RBFOX3: variants seen among roughly 807,000 people sequenced by gnomAD.
RBFOX3 encodes RNA binding protein fox-1 homolog 3.
RBFOX3 carries 17 observed loss-of-function variants against 48.7 expected under a neutral mutation model. The observed-to-expected ratio is 0.35, with a 90% CI of 0.24 to 0.52. RBFOX3 has a LOEUF of 0.52. Ranked by LOEUF, RBFOX3 falls within the 20% of genes least tolerant of loss-of-function variation. RBFOX3 has a pLI of 0.94. For missense variants in RBFOX3, 382 were observed against 497.5 expected (o/e 0.77, Z 2.21); for synonymous variants, 212 against 209.5 (o/e 1.01, Z -0.10).
intron 1 of RBFOX3, among the ~76,000 whole-genome samples, chr17:79,553,714 T>G (rs927665624): frequency 3.3e-5 from 5 of 152,032 alleles, no homozygotes; most frequent in Admixed American, 1.3e-4. Context: ...TTTCTTGGGG[T>G]TTTTTTGTTT....
intron 2 of RBFOX3, among the ~76,000 whole-genome samples, chr17:79,458,087 C>G (rs2074821417): frequency 6.6e-6 from 1 of 152,214 alleles, no homozygotes. Context: ...TGTGCCTCCC[C>G]AGGTGGGTAA....
chr17:79,297,349 G>A (rs969446007), intron 3 of RBFOX3, among the ~76,000 whole-genome samples: 25 of 152,160 alleles, frequency 1.6e-4, no homozygotes, highest in African/African-American at 2.9e-4. Flanking sequence ...GTGGAGAGCC[G>A]TGTGCCTTTG....
At chr17:79,135,726 T>G (rs1446188721) in intron 4 of RBFOX3, among the ~76,000 whole-genome samples, 3 of 152,132 alleles carry the variant, frequency 2.0e-5, no homozygotes, top group Non-Finnish European at 4.4e-5. Context: ...CCCACGTCCC[T>G]AAAATCCACA....
At chr17:79,570,258 C>T (rs895204797) in intron 1 of RBFOX3, among the ~76,000 whole-genome samples, 26 of 127,288 alleles carry the variant, frequency 2.0e-4, no homozygotes, top group South Asian at 5.2e-4. Flanking sequence ...AGATGAATTA[C>T]GGACAGATGG....
At chr17:79,498,255 G>A (rs2149694816) in intron 1 of RBFOX3, among the ~76,000 whole-genome samples, 2 of 152,256 alleles carry the variant, frequency 1.3e-5, no homozygotes, top group South Asian at 4.1e-4. Context: ...TTTTCCTTTT[G>A]CGCTCCTTTG....
intron 4 of RBFOX3, among the ~76,000 whole-genome samples, chr17:79,165,838 G>A (rs1433407557): frequency 6.6e-6 from 1 of 152,240 alleles, no homozygotes; most frequent in Non-Finnish European, 1.5e-5. Flanking sequence ...CCCCAAAGGA[G>A]GGCAGGGCAG....
rs2076879615 is a variant in RBFOX3, at chr17:79,103,787, G to GT, written c.414+285dup. Among the ~76,000 whole-genome samples, 1 of 152,066 alleles carries GT rather than the reference G, an allele frequency of 6.6e-6. No homozygotes were observed. The highest frequency in any genetic ancestry group is 2.4e-5 in the African/African-American group (1 of 41,400). On this transcript the variant is annotated intron_variant, in intron 7 of 14. Coordinates refer to ENST00000693108, the MANE Select transcript of RBFOX3 (RefSeq NM_001350451.2). This position sits in a 1 kb window ranked among gnomAD's most constrained non-coding sequence, Gnocchi z 6.1. ...GCTTCAAGGCCAGTGGTCCCCTGGG[G>GT]TAAGTGTTCAGTGGGGGTGGGGCCC... is the stretch of plus-strand genomic sequence containing the variant.
chr17:79,154,664 C>T (rs963635860), intron 4 of RBFOX3, among the ~76,000 whole-genome samples: 1 of 152,218 alleles, frequency 6.6e-6, no homozygotes, highest in Non-Finnish European at 1.5e-5. Context: ...CCGGTCCCCA[C>T]GTGGCCGGGA....
intron 3 of RBFOX3, among the ~76,000 whole-genome samples, chr17:79,239,615 G>A (rs940284161): frequency 6.6e-6 from 1 of 152,354 alleles, no homozygotes; most frequent in South Asian, 2.1e-4. Flanking sequence ...CTCTTCCTGG[G>A]GGAGCAGGGA....
chr17:79,536,352 G>T (rs2088747781), intron 1 of RBFOX3, among the ~76,000 whole-genome samples: 1 of 152,216 alleles, frequency 6.6e-6, no homozygotes, highest in Non-Finnish European at 1.5e-5. Context: ...GAATACAGAT[G>T]TGAGACGTGG....
intron 4 of RBFOX3, among the ~76,000 whole-genome samples, chr17:79,151,890 G>A (rs2044569534): frequency 1.0e-5 from 1 of 98,268 alleles, no homozygotes; most frequent in African/African-American, 3.8e-5. Context: ...CGATGGGAGG[G>A]GACCTGCAGG....
intron 1 of RBFOX3, among the ~76,000 whole-genome samples, chr17:79,512,691 G>A (rs576917830): frequency 8.0e-6 from 1 of 124,852 alleles, no homozygotes; most frequent in Non-Finnish European, 1.7e-5. Context: ...GTTACCATCG[G>A]GTACAGCCCC....
At chr17:79,546,421 C>A (rs1339335547) in intron 1 of RBFOX3, among the ~76,000 whole-genome samples, 3 of 152,194 alleles carry the variant, frequency 2.0e-5, no homozygotes, top group East Asian at 3.9e-4. Flanking sequence ...AAGCACAGAG[C>A]CCTATCTGCT....
At chr17:79,215,834 G>A (rs1001455383) in intron 4 of RBFOX3, among the ~76,000 whole-genome samples, 1 of 152,372 alleles carries the variant, frequency 6.6e-6, no homozygotes, top group African/African-American at 2.4e-5. Flanking sequence ...GCACACTGCC[G>A]GGCTCAATGT....
intron 2 of RBFOX3, among the ~76,000 whole-genome samples, chr17:79,373,420 C>T (rs2058816184): frequency 6.6e-6 from 1 of 152,222 alleles, no homozygotes; most frequent in Non-Finnish European, 1.5e-5. Flanking sequence ...TGCTCAGAGC[C>T]TCTGATCATG....
chr17:79,660,785 A>G, the RBFOX3 span, among the ~76,000 whole-genome samples: 1 of 152,356 alleles, frequency 6.6e-6, no homozygotes, highest in Non-Finnish European at 1.5e-5. Context: ...CTGAGTATAT[A>G]CCCAAAGGAA....
intron 2 of RBFOX3, among the ~76,000 whole-genome samples, chr17:79,370,266 G>A (rs568699627): frequency 1.3e-5 from 2 of 152,326 alleles, no homozygotes; most frequent in Admixed American, 6.5e-5. Flanking sequence ...CACTCTGCCC[G>A]GGTTGCCACG....
At chr17:79,597,618 C>A (rs2093601090) in intron 1 of RBFOX3, among the ~76,000 whole-genome samples, 1 of 152,218 alleles carries the variant, frequency 6.6e-6, no homozygotes, top group African/African-American at 2.4e-5. Flanking sequence ...AGGCCCTCCT[C>A]ACCTGTCACT....
At chr17:79,381,809 T>C (rs997969485) in intron 2 of RBFOX3, among the ~76,000 whole-genome samples, 1 of 152,130 alleles carries the variant, frequency 6.6e-6, no homozygotes, top group African/African-American at 2.4e-5. Flanking sequence ...TCTCCAAATG[T>C]TGCAGCTCCC....
Sources: allele counts gnomAD v4.1 joint callset (sites outside exome capture counted in the v4.1 genomes callset), GRCh38; gene constraint gnomAD v4.1.1; non-coding constraint Gnocchi (gnomAD v3.1); transcripts MANE v1.5; gene names NCBI Gene and HGNC (gene_info 2026-07-23, HGNC 2026-07-21).